The following SYT10 variants were observed in gnomAD, a reference collection of about 807,000 sequenced individuals.
The protein encoded by SYT10 is synaptotagmin-10.
Under a neutral mutation model 51.1 loss-of-function variants are expected in SYT10, and 31 were observed. The ratio of observed to expected loss-of-function variants is 0.61; its 90% confidence interval spans 0.46 to 0.82. The LOEUF is 0.82. Among genes scored for constraint, SYT10 ranks in the 40% least tolerant of loss-of-function variants. SYT10 has a pLI of 0.00. For synonymous variants in SYT10, 233 were observed against 225.9 expected (o/e 1.03, Z -0.28); for missense variants, 603 against 634.0 (o/e 0.95, Z 0.53).
rs78000045 is a variant in SYT10 at position 33,423,409 on chromosome 12, G to A, written c.509+2729C>T. On this transcript the variant is annotated intron_variant, in intron 2 of 6. Transcript: ENST00000228567. ...ATCTCAGTGAAAAGTTGGCATTTGA[G>A]CAGAATAATTTGATTTATAATAATG... Among the ~76,000 whole-genome samples, 990 of 152,082 alleles carry A rather than the reference G, an allele frequency of 6.5e-3. 10 individuals are homozygous for A. The highest frequency in any genetic ancestry group is 0.022 in the African/African-American group (912 of 41,502).
At chr12:33,389,347 A>G (rs558424562) in intron 3 of SYT10, among the ~76,000 whole-genome samples, 1 of 152,178 alleles carries the variant, frequency 6.6e-6, no homozygotes, top group South Asian at 2.1e-4. Context: ...AAAATACTTG[A>G]CCTCCCTGAG....
At chr12:33,407,405 TGAG>T in intron 2 of SYT10, 49 bp from the exon 3 acceptor site, 1 of 1,571,408 alleles carries the variant, frequency 6.4e-7, no homozygotes, top group African/African-American at 1.3e-5. Context: ...ATCATTTTGA[TGAG>T]AATGTTATAC....
chr12:33,392,985 T>TAAAAAAAAAAAAAAAAAAAAAA (rs71068378), intron 3 of SYT10, among the ~76,000 whole-genome samples: 1 of 59,104 alleles, frequency 1.7e-5, no homozygotes, highest in African/African-American at 9.0e-5. Context: ...TTTTTGCCAT[T>TAAAAAAAAAAAAAAAAAAAAAA]AAAAAAAAAA....
chr12:33,393,811 C>A (rs1242870865), intron 3 of SYT10, among the ~76,000 whole-genome samples: 2 of 152,220 alleles, frequency 1.3e-5, no homozygotes, highest in East Asian at 3.9e-4. Flanking sequence ...GGCCCCCACT[C>A]CACTACAACT....
intron 3 of SYT10, 144 bp downstream of exon 3, chr12:33,406,645 G>A: frequency 1.4e-6 from 1 of 693,852 alleles, no homozygotes; most frequent in South Asian, 2.3e-5. Flanking sequence ...ATTATTATTA[G>A]TAGAAATGAA....
At position 33,375,090 on chromosome 12, in the gene SYT10, C is replaced by A. The variant is rs1025669255; in HGVS notation, c.*1740G>T. 3 of 151,950 alleles carry A rather than the reference C, an allele frequency of 2.0e-5. No individual in the cohort carries two copies. The highest frequency in any genetic ancestry group is 7.2e-5 in the African/African-American group (3 of 41,424). 9.4% of individuals were successfully genotyped at this position (151,950 alleles called of 1,614,324 possible). A position where few individuals can be genotyped will look rare whatever the true frequency, so the allele number is the denominator to read the frequency against. Reference sequence around the variant, plus strand: ...TAGCAAATAATTCTTTTAGGCTCGACAAGGTAGCCAAATGTTTCCAAACAG... The same window carrying A: ...TAGCAAATAATTCTTTTAGGCTCGAAAAGGTAGCCAAATGTTTCCAAACAG... On this transcript the variant is annotated 3_prime_UTR_variant, in exon 7 of 7. Coordinates refer to ENST00000228567, the MANE Select transcript of SYT10 (RefSeq NM_198992.4).
chr12:33,380,093 G>A, intron 5 of SYT10, 132 bp from the exon 6 acceptor site: 2 of 916,212 alleles, frequency 2.2e-6, no homozygotes, highest in East Asian at 5.5e-5. Context: ...TGCTACTTCA[G>A]ACCGAATGAA....
At chr12:33,394,048 T>C (rs1866233056) in intron 3 of SYT10, among the ~76,000 whole-genome samples, 1 of 152,116 alleles carries the variant, frequency 6.6e-6, no homozygotes, top group African/African-American at 2.4e-5. Flanking sequence ...CCTATATAAG[T>C]AGATTATACA....
rs1249742814 is a variant in SYT10, at chr12:33,375,001, A to G, written c.*1829T>C. On this transcript the variant is annotated 3_prime_UTR_variant, in exon 7 of 7. Transcript: ENST00000228567. ...TATAACTTTTTGTCTTCCTATTTGA[A>G]AAGTTTTATTTCCCAATAAAACAAA... 6.6e-6 allele frequency: 1 copy of G among 152,030 alleles called. No individual in the cohort carries two copies. The highest frequency in any genetic ancestry group is 2.4e-5 in the African/African-American group (1 of 41,438). The allele number at this position is 152,030 out of a possible 1,614,324, so 9.4% of individuals were successfully genotyped here.
In SYT10 at chr12:33,426,499, G is replaced by C; in HGVS notation, c.152-4C>G. 3 of 1,554,212 alleles carry C rather than the reference G, an allele frequency of 1.9e-6. No homozygotes were observed. The highest frequency in any genetic ancestry group is 2.6e-6 in the Non-Finnish European group (3 of 1,154,320). On this transcript the variant is annotated splice_region_variant and splice_polypyrimidine_tract_variant and intron_variant, in intron 1 of 6. Transcript: ENST00000228567. ...GCTAACAGGCTGACTGAAATATCTG[G>C]AAAAATTACAATGTAAAAATGATTA...
At chr12:33,390,757 G>A (rs754386266) in intron 3 of SYT10, among the ~76,000 whole-genome samples, 1 of 152,006 alleles carries the variant, frequency 6.6e-6, no homozygotes, top group South Asian at 2.1e-4. Flanking sequence ...AAAATGCCAA[G>A]CACTCTTCTA....
chr12:33,414,031 A>G (rs1193169148), intron 2 of SYT10, among the ~76,000 whole-genome samples: 1 of 152,096 alleles, frequency 6.6e-6, no homozygotes, highest in African/African-American at 2.4e-5. Context: ...AGGGGTTGCA[A>G]TCCTAGTATC....
intron 2 of SYT10, among the ~76,000 whole-genome samples, chr12:33,421,016 CA>C (rs1407935978): frequency 6.6e-6 from 1 of 152,102 alleles, no homozygotes; most frequent in Non-Finnish European, 1.5e-5. Flanking sequence ...TCATTTCTTA[CA>C]GTGTTTTAGC....
rs1057233263 is a variant in SYT10 at position 33,402,246 on chromosome 12, C to T, written c.1077+4543G>A. ...CCTCTTGATTATAGATTAAATATAACATTCTGGTTTGGGTTCCCTTTAGTC... is the reference window on the plus strand; with the variant it reads ...CCTCTTGATTATAGATTAAATATAATATTCTGGTTTGGGTTCCCTTTAGTC... On this transcript the variant is annotated intron_variant, in intron 3 of 6. Transcript: ENST00000228567. 8.5e-5 allele frequency among the ~76,000 whole-genome samples: 13 copies of T among 152,298 alleles called. No homozygotes were observed. In the East Asian group the frequency reaches 2.3e-3, roughly 27 times the overall value.
rs567662758 is a variant in SYT10, at chr12:33,375,794, A to G, written c.*1036T>C. 6.6e-6 allele frequency: 1 copy of G among 152,586 alleles called. No homozygotes were observed. Among genetic ancestry groups the G allele is most frequent in the Non-Finnish European group, 1.5e-5 (1 of 67,990 alleles). The allele number at this position is 152,586 out of a possible 1,614,324, so 9.5% of individuals were successfully genotyped here. On this transcript the variant is annotated 3_prime_UTR_variant, in exon 7 of 7. Coordinates refer to ENST00000228567, the MANE Select transcript of SYT10 (RefSeq NM_198992.4). ...TTCTTTAAGAAAATACTGAATTCCA[A>G]TGATGAGCTTCTGACTGGGTTTAAG...
intron 3 of SYT10, among the ~76,000 whole-genome samples, chr12:33,398,169 G>A (rs138029847): frequency 7.6e-4 from 116 of 152,176 alleles, no homozygotes; most frequent in Non-Finnish European, 1.2e-3. Flanking sequence ...AGGAGATGAG[G>A]TCCAGGCCAG....
intron 3 of SYT10, among the ~76,000 whole-genome samples, chr12:33,394,419 C>T (rs901984701): frequency 7.9e-5 from 12 of 152,262 alleles, no homozygotes; most frequent in Middle Eastern, 3.4e-3. Flanking sequence ...GAGGGTAATA[C>T]ATTTAAGAAA....
chr12:33,403,782 A>C (rs6488160), intron 3 of SYT10, among the ~76,000 whole-genome samples: 93,182 of 150,852 alleles, frequency 0.62, 29,763 homozygotes, highest in East Asian at 0.89. Context: ...AAATTTCCAC[A>C]TACATCATTT....
At chr12:33,414,038 T>G (rs575530189) in intron 2 of SYT10, among the ~76,000 whole-genome samples, 1 of 152,088 alleles carries the variant, frequency 6.6e-6, no homozygotes, top group South Asian at 2.1e-4. Context: ...GCAATCCTAG[T>G]ATCTGATAAA....
Sources: allele counts gnomAD v4.1 joint callset (sites outside exome capture counted in the v4.1 genomes callset), GRCh38; gene constraint gnomAD v4.1.1; transcripts MANE v1.5; gene names NCBI Gene and HGNC (gene_info 2026-07-23, HGNC 2026-07-21).